SLC38A6: variants seen among roughly 807,000 people sequenced by gnomAD.
The protein encoded by SLC38A6 is solute carrier family 38 member 6.
A neutral mutation model predicts 65.0 loss-of-function variants in SLC38A6; 73 were observed. That is an observed-to-expected ratio of 1.12 (90% CI 0.93 to 1.37). SLC38A6 has a LOEUF of 1.37. Among genes scored for constraint, SLC38A6 ranks in the 40% most tolerant of loss-of-function variants. The probability of loss-of-function intolerance (pLI) is 0.00; values close to 1 mark genes in which losing one functional copy is unlikely to be tolerated. For missense variants in SLC38A6, 561 were observed against 531.1 expected (o/e 1.06, Z -0.55); for synonymous variants, 183 against 178.8 (o/e 1.02, Z -0.19).
chr14:60,998,398 C>T (rs182451794), intron 3 of SLC38A6, among the ~76,000 whole-genome samples: 5 of 152,102 alleles, frequency 3.3e-5, no homozygotes, highest in African/African-American at 9.6e-5. Context: ...AGTGTTTGAA[C>T]GTCAAGGAGA....
intron 5 of SLC38A6, among the ~76,000 whole-genome samples, chr14:61,020,145 A>C (rs10483729): frequency 0.19 from 29,168 of 152,144 alleles, 3,560 homozygotes; most frequent in Non-Finnish European, 0.27. Flanking sequence ...ACTATGTAGA[A>C]ATAAAACTAC....
In SLC38A6 at chr14:61,007,120, C is replaced by T. The variant is rs563543549; in HGVS notation, c.311-8784C>T. On this transcript the variant is annotated intron_variant, in intron 3 of 15. Transcript: ENST00000267488. ...TTCTTACTCATAGGTGGGAATTGAA[C>T]AATGAGAACACATGGACGCAGGAAG... Among the ~76,000 whole-genome samples, 53 of 152,136 alleles carry T rather than the reference C, an allele frequency of 3.5e-4. 1 individual carries two copies. In the South Asian group the frequency reaches 0.011, roughly 32 times the overall value.
intron 15 of SLC38A6, among the ~76,000 whole-genome samples, chr14:61,063,757 T>C (rs1446279751): frequency 6.6e-6 from 1 of 152,128 alleles, no homozygotes; most frequent in Admixed American, 6.5e-5. Flanking sequence ...AAGACCAAGC[T>C]CTTGGGTTAG....
intron 3 of SLC38A6, among the ~76,000 whole-genome samples, chr14:61,014,110 T>C (rs1166090053): frequency 2.0e-5 from 3 of 152,232 alleles, no homozygotes; most frequent in Non-Finnish European, 2.9e-5. Flanking sequence ...TCTAAACTTC[T>C]CTTCTCGCTT....
At chr14:61,073,423 A>G (rs1216031283) in intron 15 of SLC38A6, among the ~76,000 whole-genome samples, 1 of 152,180 alleles carries the variant, frequency 6.6e-6, no homozygotes, top group Non-Finnish European at 1.5e-5. Context: ...TACATTGGCA[A>G]TTAAATTTCA....
chr14:61,035,439 A>G (rs1487959070), intron 6 of SLC38A6, among the ~76,000 whole-genome samples: 1 of 152,142 alleles, frequency 6.6e-6, no homozygotes, highest in East Asian at 1.9e-4. Context: ...AAATATTTTC[A>G]AATGTTGGGT....
At chr14:61,025,437 T>TA (rs760435655) in intron 5 of SLC38A6, among the ~76,000 whole-genome samples, 9 of 152,182 alleles carry the variant, frequency 5.9e-5, no homozygotes, top group Non-Finnish European at 1.2e-4. Context: ...CTGGTCAGTT[T>TA]ATCTGTGGTG....
chr14:60,981,544 A>G, intron 1 of SLC38A6, 162 bp downstream of exon 1: 1 of 1,531,090 alleles, frequency 6.5e-7, no homozygotes, highest in Non-Finnish European at 8.7e-7. Context: ...GATTCAGATG[A>G]GATTGGCGCA....
intron 3 of SLC38A6, among the ~76,000 whole-genome samples, chr14:60,991,558 G>C (rs2037887576): frequency 6.6e-6 from 1 of 152,082 alleles, no homozygotes; most frequent in African/African-American, 2.4e-5. Flanking sequence ...CTAAAATTGT[G>C]CTCACTCTTC....
At chr14:61,083,310 G>T (rs747365264) in intron 16 of SLC38A6, among the ~76,000 whole-genome samples, 1 of 152,194 alleles carries the variant, frequency 6.6e-6, no homozygotes, top group Non-Finnish European at 1.5e-5. Flanking sequence ...ATGCTTGCCA[G>T]GTTCTGGGTT....
chr14:61,011,536 T>C lies in SLC38A6; in HGVS notation c.311-4368T>C, dbSNP rs112477292. On this transcript the variant is annotated intron_variant, in intron 3 of 15. Coordinates refer to ENST00000267488, the MANE Select transcript of SLC38A6 (RefSeq NM_153811.3). ...GTGGGTTTGTCATAGATAGCTCTTA[T>C]TATTTTGAGATACGTCCCATCAATA... 8.5e-3 allele frequency among the ~76,000 whole-genome samples: 1,293 copies of C among 152,264 alleles called. 21 individuals are homozygous for C. Among genetic ancestry groups the C allele is most frequent in the African/African-American group, 0.029 (1,219 of 41,522 alleles).
In SLC38A6 at chr14:61,061,010, C is replaced by T. The variant is rs796723099; in HGVS notation, c.1290+8875C>T. Among the ~76,000 whole-genome samples, 29 of 151,816 alleles carry T rather than the reference C, an allele frequency of 1.9e-4. No homozygotes were observed. In the South Asian group the frequency reaches 4.2e-3, roughly 22 times the overall value. On this transcript the variant is annotated intron_variant, in intron 15 of 16. Coordinates refer to the SLC38A6 transcript ENST00000354886. ...CACGGTGCGCGCACACACTGGCCTG[C>T]GCCCACTGTCTGGCACTCCCTAGTG...
At chr14:61,079,398 G>C (rs1594803660) in intron 16 of SLC38A6, among the ~76,000 whole-genome samples, 1 of 151,646 alleles carries the variant, frequency 6.6e-6, no homozygotes, top group African/African-American at 2.4e-5. Context: ...CAGCCTCCCA[G>C]AGTGCTGGGA....
At position 60,981,346 on chromosome 14, in the gene SLC38A6, A is replaced by T. The variant is rs2036995123; in HGVS notation, c.69A>T (p.Glu23Asp). 6.2e-7 allele frequency: 1 copy of T among 1,609,904 alleles called. No individual in the cohort carries two copies. The highest frequency in any genetic ancestry group is 8.5e-7 in the Non-Finnish European group (1 of 1,178,358). The stretch of plus-strand genomic sequence containing the variant: ...ATGTCTCTGTCCAGCAGCCTGAAGA[A>T]GCGGAGGCCGAAGAGTTGAGTCCGT... ...GWYVSVQQPE[E>D]AEAEELSPLL... The change falls in exon 1 of 16, where the codon GAA becomes GAT. Residue 23 changes from glutamate (E) to aspartate (D), a missense_variant. By Grantham distance (45) the Glu-to-Asp change is conservative. Coordinates refer to ENST00000267488, the MANE Select transcript of SLC38A6 (RefSeq NM_153811.3).
chr14:61,042,816 T>G (rs1434936365), intron 8 of SLC38A6, among the ~76,000 whole-genome samples: 2 of 152,166 alleles, frequency 1.3e-5, no homozygotes, highest in Non-Finnish European at 2.9e-5. Flanking sequence ...CATATTCCTG[T>G]GTGACAGTCA....
In SLC38A6 at chr14:61,050,643, A is replaced by G; in HGVS notation, c.1050+7A>G. 1 of 1,542,452 alleles carries G rather than the reference A, an allele frequency of 6.5e-7. No individual in the cohort carries two copies. The highest frequency in any genetic ancestry group is 8.8e-7 in the Non-Finnish European group (1 of 1,136,092). The stretch of plus-strand genomic sequence containing the variant: ...CCCTCTAATCCACTTCCCTGTAAGT[A>G]CTCTTAAAGGGTTTTGTTGCCTAGT... On this transcript the variant is annotated splice_region_variant and intron_variant, in intron 13 of 15. Transcript: ENST00000267488.
At chr14:61,071,203 G>A (rs2043214534) in intron 15 of SLC38A6, among the ~76,000 whole-genome samples, 1 of 152,072 alleles carries the variant, frequency 6.6e-6, no homozygotes, top group African/African-American at 2.4e-5. Context: ...CATATTGAGG[G>A]ATTTTTTATT....
chr14:61,046,834 T>C (rs1466679914), intron 12 of SLC38A6, among the ~76,000 whole-genome samples: 1 of 152,146 alleles, frequency 6.6e-6, no homozygotes, highest in Non-Finnish European at 1.5e-5. Context: ...GTGTACACCA[T>C]CAGGAAAAGC....
At chr14:61,083,664 C>T (rs982002268) in exon 17 of SLC38A6, 3 of 1,550,040 alleles carry the variant, frequency 1.9e-6, no homozygotes, top group African/African-American at 2.7e-5. Context: ...CCAAACGTGT[C>T]CACACCTTGA....
Sources: allele counts gnomAD v4.1 joint callset (sites outside exome capture counted in the v4.1 genomes callset), GRCh38; gene constraint gnomAD v4.1.1; transcripts MANE v1.5; gene names NCBI Gene and HGNC (gene_info 2026-07-23, HGNC 2026-07-21).